NAV1: variants seen among roughly 807,000 people sequenced by gnomAD.
The protein encoded by NAV1 is pore membrane and/or filament interacting like protein 3.
Under a neutral mutation model 175.2 loss-of-function variants are expected in NAV1, and 18 were observed. The observed-to-expected ratio is 0.10, with a 90% CI of 0.07 to 0.15. The LOEUF is 0.15. Among genes scored for constraint, NAV1 ranks in the 10% least tolerant of loss-of-function variants. The probability of loss-of-function intolerance (pLI) is 1.00; values close to 1 mark genes in which losing one functional copy is unlikely to be tolerated. For missense variants in NAV1, 1,731 were observed against 2,436.6 expected, an observed-to-expected ratio of 0.71 and a Z score of 6.10; for synonymous variants, 897 against 978.7, an observed-to-expected ratio of 0.92 and a Z score of 1.56.
chr1:201,600,495 A>G (rs138471050), intron 2 of NAV1, among the ~76,000 whole-genome samples: 3 of 152,370 alleles, frequency 2.0e-5, no homozygotes, highest in Non-Finnish European at 4.4e-5. Context: ...TACTTTAGTT[A>G]ATAGTAATGT....
chr1:201,779,430 T>TAA lies in NAV1; in HGVS notation c.1227-976_1227-975dup, dbSNP rs35904825. Reference sequence around the variant, plus strand: ...AACATGGTGAAACCCTGTCTCTACTTAAAAAAAAAAAAAAAATAGTAGCTG... The same window carrying TAA: ...AACATGGTGAAACCCTGTCTCTACTTAAAAAAAAAAAAAAAAAATAGTAGCTG... On this transcript the variant is annotated intron_variant, in intron 3 of 29. Transcript: ENST00000367296. 2.2e-3 allele frequency among the ~76,000 whole-genome samples: 298 copies of TAA among 136,346 alleles called. 2 individuals carry two copies. In the East Asian group the frequency reaches 0.031, roughly 14 times the overall value. The allele number at this position is 136,346 out of a possible 152,430, so 89.4% of individuals were successfully genotyped here. A position where few individuals can be genotyped will look rare whatever the true frequency, so the allele number is the denominator to read the frequency against.
At chr1:201,681,365 CAG>C (rs769160156) in intron 1 of NAV1, among the ~76,000 whole-genome samples, 30 of 152,226 alleles carry the variant, frequency 2.0e-4, no homozygotes, top group Non-Finnish European at 1.9e-4. Flanking sequence ...AAAGGTTAAA[CAG>C]ATTTTCTGAT....
chr1:201,748,963 C>T (rs59836949), intron 3 of NAV1, among the ~76,000 whole-genome samples: 5,602 of 152,236 alleles, frequency 0.037, 347 homozygotes, highest in African/African-American at 0.13. Context: ...GCCTGGCCAA[C>T]ATGACGAAAC....
intron 1 of NAV1, among the ~76,000 whole-genome samples, chr1:201,680,506 C>CA (rs959494444): frequency 3.3e-5 from 5 of 151,076 alleles, no homozygotes; most frequent in East Asian, 3.9e-4. Flanking sequence ...AACTCAGTCT[C>CA]AAAAAAAATA....
chr1:201,783,477 A>C, exon 7 of NAV1: 1 of 1,614,156 alleles, frequency 6.2e-7, no homozygotes, highest in Non-Finnish European at 8.5e-7. Flanking sequence ...AACAGTCTGG[A>C]TCTACCATCA....
chr1:201,718,551 G>A lies in NAV1; in HGVS notation c.1022G>A (p.Gly341Glu). 3.7e-6 allele frequency: 6 copies of A among 1,613,588 alleles called. No individual in the cohort carries two copies. The highest frequency in any genetic ancestry group is 5.1e-6 in the Non-Finnish European group (6 of 1,179,776). The change falls in exon 3 of 30, where the codon GGG becomes GAG. Residue 341 changes from glycine (G) to glutamate (E), a missense_variant. This residue lies in a region of NAV1 where 487 missense variants were observed against 581.3 expected (regional missense o/e 0.84). Coordinates refer to ENST00000367296, the Ensembl canonical transcript of NAV1. The surrounding 1 kb of genome is among the most constrained non-coding windows in gnomAD (Gnocchi z 4.8). ...GTGGGTGGGAGCTGCCGCTCGGAGGGGACGCCCGCCTGGTACATGCACGGC... is the reference window on the plus strand; with the variant it reads ...GTGGGTGGGAGCTGCCGCTCGGAGGAGACGCCCGCCTGGTACATGCACGGC...
intron 3 of NAV1, among the ~76,000 whole-genome samples, chr1:201,731,076 C>T (rs1197280029): frequency 2.6e-5 from 4 of 151,952 alleles, no homozygotes; most frequent in Non-Finnish European, 2.9e-5. Flanking sequence ...CCATAGAGAC[C>T]GAAAGCACAT....
intron 11 of NAV1, 89 bp downstream of exon 15, chr1:201,789,881 C>T (rs1178484115): frequency 1.5e-5 from 19 of 1,286,582 alleles, no homozygotes; most frequent in Admixed American, 1.0e-4. Flanking sequence ...GGTAACTGGG[C>T]GGGGGATGGG....
chr1:201,650,233 T>G (rs1669141693), intron 1 of NAV1, among the ~76,000 whole-genome samples: 1 of 152,034 alleles, frequency 6.6e-6, no homozygotes, highest in African/African-American at 2.4e-5. Context: ...TGTTCCATTG[T>G]TCTCCGTGCC....
intron 1 of NAV1, among the ~76,000 whole-genome samples, chr1:201,628,707 C>T (rs1221624494): frequency 2.0e-5 from 3 of 152,144 alleles, no homozygotes; most frequent in African/African-American, 7.2e-5. Context: ...AGGGTAATTG[C>T]CTATAATGAA....
At chr1:201,612,406 A>T (rs573561744) in intron 2 of NAV1, among the ~76,000 whole-genome samples, 112 of 152,366 alleles carry the variant, frequency 7.4e-4, no homozygotes, top group Middle Eastern at 6.8e-3. Context: ...GTGAGCAGTG[A>T]TAACGCCACT....
intron 15 of NAV1, chr1:201,798,432 G>C (rs1436193352): frequency 1.3e-5 from 2 of 151,950 alleles, no homozygotes; most frequent in Non-Finnish European, 2.9e-5. Context: ...CTTTAGGCCA[G>C]GAGTTCAAGA....
rs138752832 is a variant in NAV1, at chr1:201,727,017, G to A, written c.1226+8262G>A. ...CCTTCCTAGCTCTGTGAGTTTGGAT[G>A]AGTTTTTCACCTCCCTCTGCTTGTT... On this transcript the variant is annotated intron_variant, in intron 3 of 29. Transcript: ENST00000367296. 2.0e-5 allele frequency among the ~76,000 whole-genome samples: 3 copies of A among 152,330 alleles called. No individual in the cohort carries two copies. In the East Asian group the frequency reaches 5.8e-4, roughly 29 times the overall value.
chr1:201,815,732 TTTTA>T (rs1678987277), intron 28 of NAV1, among the ~76,000 whole-genome samples: 1 of 152,084 alleles, frequency 6.6e-6, no homozygotes, highest in South Asian at 2.1e-4. Flanking sequence ...AGAGAATAGT[TTTTA>T]TTTATTTATT....
At chr1:201,550,829 G>T (rs758656387) in intron 1 of NAV1, among the ~76,000 whole-genome samples, 1 of 152,164 alleles carries the variant, frequency 6.6e-6, no homozygotes, top group African/African-American at 2.4e-5. Context: ...AGGGCCTCTC[G>T]GCAAATGTTT....
intron 1 of NAV1, among the ~76,000 whole-genome samples, chr1:201,687,514 C>A (rs1379966363): frequency 6.6e-6 from 1 of 152,186 alleles, no homozygotes; most frequent in Non-Finnish European, 1.5e-5. Context: ...AGATACTAGG[C>A]ACTGTGCTAG....
chr1:201,584,445 G>A (rs1267209526), intron 1 of NAV1, among the ~76,000 whole-genome samples: 1 of 152,106 alleles, frequency 6.6e-6, no homozygotes. Context: ...TAATTTTTTT[G>A]CCCCTCTGGT....
chr1:201,663,887 C>T (rs931890482), intron 1 of NAV1, among the ~76,000 whole-genome samples: 3 of 152,142 alleles, frequency 2.0e-5, no homozygotes, highest in Non-Finnish European at 4.4e-5. Flanking sequence ...GGACCTGGGC[C>T]TGGGGCAGGG....
chr1:201,620,700 C>G (rs1296173291), upstream of NAV1, among the ~76,000 whole-genome samples: 1 of 151,960 alleles, frequency 6.6e-6, no homozygotes, highest in Non-Finnish European at 1.5e-5. Flanking sequence ...AACTCCTGAC[C>G]TCAGTTGATC....
Sources: allele counts gnomAD v4.1 joint callset (sites outside exome capture counted in the v4.1 genomes callset), GRCh38; gene constraint gnomAD v4.1.1; regional missense constraint gnomAD v4.1.1; non-coding constraint Gnocchi (gnomAD v3.1); transcripts MANE v1.5; gene names NCBI Gene and HGNC (gene_info 2026-07-23, HGNC 2026-07-21).